The following SPIDR variants were observed in gnomAD, a reference collection of about 807,000 sequenced individuals.
SPIDR encodes DNA repair-scaffolding protein.
A neutral mutation model predicts 104.6 loss-of-function variants in SPIDR; 93 were observed. That is an observed-to-expected ratio of 0.89 (90% CI 0.75 to 1.06). The LOEUF (loss-of-function observed/expected upper bound fraction) is 1.06, where lower values mean the gene tolerates loss of function less well. Ranked by LOEUF, SPIDR falls within the 50% of genes least tolerant of loss-of-function variation. SPIDR has a pLI of 0.00. For synonymous variants in SPIDR, 431 were observed against 416.9 expected (o/e 1.03, Z -0.41); for missense variants, 1,154 against 1,111.2 (o/e 1.04, Z -0.55).
intron 10 of SPIDR, among the ~76,000 whole-genome samples, chr8:47,665,126 A>G (rs2074727894): frequency 6.6e-6 from 1 of 152,174 alleles, no homozygotes; most frequent in Non-Finnish European, 1.5e-5. Flanking sequence ...TATTACATAC[A>G]CCCAGACACC....
chr8:47,482,131 A>G (rs1554727625), intron 8 of SPIDR, among the ~76,000 whole-genome samples: 1 of 152,150 alleles, frequency 6.6e-6, no homozygotes, highest in Admixed American at 6.5e-5. Context: ...TCTGTTGCTG[A>G]TATTGTCATG....
intron 10 of SPIDR, among the ~76,000 whole-genome samples, chr8:47,606,529 AAAACAAAC>A (rs138757969): frequency 9.1e-4 from 139 of 152,182 alleles, no homozygotes; most frequent in African/African-American, 2.7e-3. Context: ...CCATCTCAAA[AAAACAAAC>A]AAACAAACAA....
intron 8 of SPIDR, among the ~76,000 whole-genome samples, chr8:47,456,755 C>T (rs373338598): frequency 3.0e-4 from 45 of 152,208 alleles, no homozygotes; most frequent in African/African-American, 1.1e-3. Context: ...TTTCCTCACC[C>T]ACTTCCCACC....
At chr8:47,419,676 G>C (rs1234162146) in intron 7 of SPIDR, among the ~76,000 whole-genome samples, 2 of 152,004 alleles carry the variant, frequency 1.3e-5, no homozygotes, top group East Asian at 3.9e-4. Flanking sequence ...GAGTGTGTTT[G>C]CTCTTGCTTT....
In SPIDR at chr8:47,267,620, A is replaced by G. The variant is rs569035093; in HGVS notation, c.33+6629A>G. Among the ~76,000 whole-genome samples, 8 of 152,236 alleles carry G rather than the reference A, an allele frequency of 5.3e-5. No homozygotes were observed. The South Asian group carries it at 1.5e-3, about 28-fold the overall frequency. ...CCCTAATGAGATTGAGCATCTTTTC[A>G]TGTACTTATTGGGCATTTCTGTATC... On this transcript the variant is annotated intron_variant, in intron 1 of 19. Transcript: ENST00000297423.
chr8:47,392,430 A>G (rs1232819050), intron 5 of SPIDR, among the ~76,000 whole-genome samples: 1 of 152,212 alleles, frequency 6.6e-6, no homozygotes, highest in South Asian at 2.1e-4. Flanking sequence ...TAAATTGGGT[A>G]TAAGGATGCA....
chr8:47,271,449 T>G lies in SPIDR; in HGVS notation c.34-8413T>G, dbSNP rs962441605. 7.2e-4 allele frequency among the ~76,000 whole-genome samples: 110 copies of G among 152,260 alleles called. 1 individual carries two copies. Among genetic ancestry groups the G allele is most frequent in the Non-Finnish European group, 5.1e-4 (35 of 68,012 alleles). On this transcript the variant is annotated intron_variant, in intron 1 of 19. Transcript: ENST00000297423. ...GCTTGGATAATCTCATTTGTCTGAT[T>G]TAAAGTTTGTGAATTCCTTTTTTTG... is the stretch of plus-strand genomic sequence containing the variant.
chr8:47,569,240 C>A (rs894082172), intron 8 of SPIDR, among the ~76,000 whole-genome samples: 2 of 151,870 alleles, frequency 1.3e-5, no homozygotes, highest in Non-Finnish European at 2.9e-5. Flanking sequence ...ATATATACAC[C>A]TAACAAAGGT....
rs71300621 is a variant in SPIDR, at chr8:47,285,828, T to TG, written c.256+1742dup. ...TAGGACTTCAACATTTGAATTTTGG[T>TG]GGGGGGGGACACAGTTCAGCTCATA... On this transcript the variant is annotated intron_variant, in intron 3 of 19. Coordinates refer to ENST00000297423, the MANE Select transcript of SPIDR (RefSeq NM_001080394.4). 1.4e-3 allele frequency among the ~76,000 whole-genome samples: 210 copies of TG among 151,686 alleles called. 1 individual carries two copies. Among genetic ancestry groups the TG allele is most frequent in the South Asian group, 3.6e-3 (17 of 4,786 alleles).
intron 10 of SPIDR, among the ~76,000 whole-genome samples, chr8:47,631,854 C>A (rs1203048269): frequency 1.3e-5 from 2 of 152,144 alleles, no homozygotes; most frequent in Non-Finnish European, 2.9e-5. Flanking sequence ...TCTGAGAAAA[C>A]CAAAAGGCCA....
chr8:47,669,878 T>G (rs1388920771), intron 10 of SPIDR, among the ~76,000 whole-genome samples: 1 of 152,164 alleles, frequency 6.6e-6, no homozygotes, highest in African/African-American at 2.4e-5. Context: ...CATACACCTA[T>G]AGTCCCAGCT....
chr8:47,585,985 T>C (rs1184854553), intron 8 of SPIDR, among the ~76,000 whole-genome samples: 1 of 152,176 alleles, frequency 6.6e-6, no homozygotes, highest in Non-Finnish European at 1.5e-5. Context: ...CAAAATATGC[T>C]CTCCACTTCT....
intron 6 of SPIDR, among the ~76,000 whole-genome samples, chr8:47,406,518 A>G (rs1236200309): frequency 6.6e-6 from 1 of 152,216 alleles, no homozygotes; most frequent in Non-Finnish European, 1.5e-5. Context: ...TCTGAGCATA[A>G]GAGGTTTTAA....
chr8:47,372,117 A>T (rs1554639429), intron 5 of SPIDR, among the ~76,000 whole-genome samples: 1 of 152,166 alleles, frequency 6.6e-6, no homozygotes, highest in African/African-American at 2.4e-5. Context: ...AAGTCCACCC[A>T]TGTCCCTGAT....
At chr8:47,427,627 T>C (rs1200835371) in intron 7 of SPIDR, among the ~76,000 whole-genome samples, 3 of 152,196 alleles carry the variant, frequency 2.0e-5, no homozygotes, top group African/African-American at 7.2e-5. Context: ...GTGTGAACCT[T>C]AGGTGAGCGT....
At chr8:47,412,350 G>C (rs1257526080) in intron 7 of SPIDR, among the ~76,000 whole-genome samples, 1 of 152,072 alleles carries the variant, frequency 6.6e-6, no homozygotes, top group Non-Finnish European at 1.5e-5. Context: ...CATTGGCTTA[G>C]ACACAAAAAA....
At chr8:47,511,302 G>A (rs537812079) in intron 8 of SPIDR, 1 of 1,407,106 alleles carries the variant, frequency 7.1e-7, no homozygotes, top group Non-Finnish European at 1.0e-6. Flanking sequence ...AGCTGGCTTT[G>A]GCTTCATTTT....
intron 11 of SPIDR, among the ~76,000 whole-genome samples, chr8:47,693,632 C>T (rs985680485): frequency 2.6e-5 from 4 of 152,066 alleles, no homozygotes; most frequent in African/African-American, 9.7e-5. Flanking sequence ...ATAGAGCCTG[C>T]CCTCAGGAGG....
intron 11 of SPIDR, among the ~76,000 whole-genome samples, chr8:47,689,563 AG>A (rs1329157422): frequency 6.6e-6 from 1 of 152,240 alleles, no homozygotes; most frequent in Non-Finnish European, 1.5e-5. Context: ...GTGGGGTTAA[AG>A]CTCACTTTCA....
Sources: gnomAD v4.1 joint callset for allele counts (sites outside exome capture counted in the v4.1 genomes callset) on GRCh38, gnomAD v4.1.1 for gene constraint, MANE v1.5 for transcripts, NCBI Gene and HGNC (gene_info 2026-07-23, HGNC 2026-07-21) for gene names.